Variants in FNBP1L observed in about 807,000 individuals in gnomAD.
FNBP1L encodes the protein formin-binding protein 1-like.
FNBP1L carries 36 observed loss-of-function variants against 91.2 expected under a neutral mutation model. The observed-to-expected ratio is 0.39, with a 90% confidence interval of 0.30 to 0.52. FNBP1L has a LOEUF of 0.52. FNBP1L is among the 20% of genes least tolerant of loss of function. The probability of loss-of-function intolerance (pLI) is 0.66; values close to 1 mark genes in which losing one functional copy is unlikely to be tolerated. For missense variants in FNBP1L, 571 were observed against 732.1 expected, an observed-to-expected ratio of 0.78 and a Z score of 2.54; for synonymous variants, 242 against 237.0, an observed-to-expected ratio of 1.02 and a Z score of -0.19.
At chr1:93,547,846 A>C (rs1272344121) in intron 14 of FNBP1L, among the ~76,000 whole-genome samples, 1 of 152,204 alleles carries the variant, frequency 6.6e-6, no homozygotes, top group Non-Finnish European at 1.5e-5. Context: ...CAGAGCTTCC[A>C]AAAGACACTT....
At chr1:93,466,048 G>A (rs1025696269) in intron 1 of FNBP1L, among the ~76,000 whole-genome samples, 2 of 152,034 alleles carry the variant, frequency 1.3e-5, no homozygotes, top group African/African-American at 4.8e-5. Context: ...TTTTGATGGA[G>A]TTGTTTGTTT....
intron 1 of FNBP1L, among the ~76,000 whole-genome samples, chr1:93,461,909 C>A (rs1482368943): frequency 1.3e-5 from 2 of 152,168 alleles, no homozygotes; most frequent in African/African-American, 2.4e-5. Flanking sequence ...AGCCCACCAT[C>A]ATTTTAAGAG....
intron 1 of FNBP1L, among the ~76,000 whole-genome samples, chr1:93,463,248 G>A (rs2101689966): frequency 6.6e-6 from 1 of 152,232 alleles, no homozygotes; most frequent in Admixed American, 6.5e-5. Context: ...CCTAGAATAA[G>A]CCATTTCTTC....
At chr1:93,509,020 G>A (rs1021378576) in intron 2 of FNBP1L, among the ~76,000 whole-genome samples, 9 of 152,126 alleles carry the variant, frequency 5.9e-5, no homozygotes, top group Non-Finnish European at 4.4e-5. Flanking sequence ...AGAAATTTTA[G>A]GATTGACTTT....
intron 8 of FNBP1L, among the ~76,000 whole-genome samples, chr1:93,533,435 GA>G (rs1255588332): frequency 1.3e-5 from 2 of 152,196 alleles, no homozygotes; most frequent in African/African-American, 4.8e-5. Flanking sequence ...GCTGGATCAA[GA>G]AATGTGGGTA....
intron 2 of FNBP1L, among the ~76,000 whole-genome samples, chr1:93,517,255 A>G (rs943927766): frequency 3.3e-5 from 5 of 152,128 alleles, no homozygotes; most frequent in African/African-American, 9.7e-5. Flanking sequence ...CATGTTGGTC[A>G]GGCTGGTCTC....
At chr1:93,484,072 G>C (rs1410640953) in intron 1 of FNBP1L, among the ~76,000 whole-genome samples, 1 of 152,200 alleles carries the variant, frequency 6.6e-6, no homozygotes, top group Non-Finnish European at 1.5e-5. Flanking sequence ...GGGACTACAG[G>C]CGTGCGCCAC....
At chr1:93,510,386 C>G (rs1445661022) in intron 2 of FNBP1L, among the ~76,000 whole-genome samples, 1 of 152,182 alleles carries the variant, frequency 6.6e-6, no homozygotes, top group East Asian at 1.9e-4. Context: ...AACAGACCTG[C>G]AGCTGAGGGT....
At chr1:93,507,168 C>CTT (rs1670667002) in intron 2 of FNBP1L, among the ~76,000 whole-genome samples, 1 of 147,646 alleles carries the variant, frequency 6.8e-6, no homozygotes, top group Non-Finnish European at 1.5e-5. Flanking sequence ...CCGTCCCTCC[C>CTT]TCCCCCACCC....
intron 1 of FNBP1L, among the ~76,000 whole-genome samples, chr1:93,493,044 G>A (rs562071137): frequency 6.6e-6 from 1 of 152,216 alleles, no homozygotes; most frequent in South Asian, 2.1e-4. Context: ...CAGGAGGATC[G>A]CTTGAACTCA....
At chr1:93,460,617 G>C (rs1438931702) in intron 1 of FNBP1L, among the ~76,000 whole-genome samples, 1 of 152,128 alleles carries the variant, frequency 6.6e-6, no homozygotes, top group Non-Finnish European at 1.5e-5. Context: ...AAGGAAATCC[G>C]GTCATTTACG....
intron 1 of FNBP1L, among the ~76,000 whole-genome samples, chr1:93,499,023 G>T (rs1670357892): frequency 6.6e-6 from 1 of 152,156 alleles, no homozygotes; most frequent in Admixed American, 6.6e-5. Context: ...AGGCTGTGGG[G>T]GTTCAGAGTT....
chr1:93,540,974 C>G, intron 10 of FNBP1L, 68 bp from the exon 11 acceptor site: 2 of 1,367,532 alleles, frequency 1.5e-6, no homozygotes, highest in Non-Finnish European at 1.0e-6. Flanking sequence ...TAGGCTATTG[C>G]ATCTTCTGTA....
chr1:93,527,542 G>A (rs543621620), intron 5 of FNBP1L, among the ~76,000 whole-genome samples: 3 of 152,240 alleles, frequency 2.0e-5, no homozygotes, highest in Non-Finnish European at 2.9e-5. Context: ...TGCAAGGTGC[G>A]TATTTTCCAG....
rs552993586 is a variant in FNBP1L at position 93,511,689 on chromosome 1, G to A, written c.141-10393G>A. 3.9e-5 allele frequency among the ~76,000 whole-genome samples: 6 copies of A among 152,308 alleles called. No homozygotes were observed. In the East Asian group the frequency reaches 9.6e-4, roughly 24 times the overall value. ...TTGGATAAAGAGTCAAGACCCGGCC[G>A]GGTGCGGTGGCTCACGCCTGTAATC... On this transcript the variant is annotated intron_variant, in intron 2 of 16. Coordinates refer to ENST00000271234, the MANE Select transcript of FNBP1L (RefSeq NM_001164473.3).
chr1:93,514,906 G>A (rs975977350), intron 2 of FNBP1L, among the ~76,000 whole-genome samples: 25 of 152,180 alleles, frequency 1.6e-4, no homozygotes, highest in Middle Eastern at 3.4e-3. Context: ...ACAAAAGCCA[G>A]AATTGACAAA....
chr1:93,461,275 A>G (rs1237668663), intron 1 of FNBP1L, among the ~76,000 whole-genome samples: 1 of 152,172 alleles, frequency 6.6e-6, no homozygotes, highest in Non-Finnish European at 1.5e-5. Context: ...GGAGGTATGC[A>G]GGGTCTTCCC....
intron 1 of FNBP1L, among the ~76,000 whole-genome samples, chr1:93,462,153 TAGA>T (rs1449863992): frequency 1.3e-5 from 2 of 152,118 alleles, no homozygotes; most frequent in African/African-American, 2.4e-5. Flanking sequence ...ATTTTGTGAG[TAGA>T]AGATTTCCCT....
chr1:93,542,443 G>GAAAAAAA lies in FNBP1L; in HGVS notation c.1164+1404_1164+1410dup, dbSNP rs61650755. ...TCCTTGTTTCTGGTGATTGGTAAAT[G>GAAAAAAA]AAAAAAAAAAAAAAAAAAAAAAAGC... On this transcript the variant is annotated intron_variant, in intron 11 of 16. Transcript: ENST00000271234. Among the ~76,000 whole-genome samples, 425 of 81,476 alleles carry GAAAAAAA rather than the reference G, an allele frequency of 5.2e-3. 1 individual carries two copies. Among genetic ancestry groups the GAAAAAAA allele is most frequent in the Middle Eastern group, 0.01 (1 of 98 alleles). 53.5% of individuals were successfully genotyped at this position (81,476 alleles called of 152,430 possible).
Sources: allele counts gnomAD v4.1 joint callset (sites outside exome capture counted in the v4.1 genomes callset), GRCh38; gene constraint gnomAD v4.1.1; transcripts MANE v1.5; gene names NCBI Gene and HGNC (gene_info 2026-07-23, HGNC 2026-07-21).